Variants in RNF130 observed in about 807,000 individuals in gnomAD.
RNF130 encodes E3 ubiquitin-protein ligase RNF130.
Under a neutral mutation model 44.6 loss-of-function variants are expected in RNF130, and 21 were observed. The observed-to-expected ratio is 0.47, with a 90% CI of 0.33 to 0.68. The LOEUF is 0.68. Among genes scored for constraint, RNF130 ranks in the 30% least tolerant of loss-of-function variants. The pLI is 0.02. For synonymous variants in RNF130, 214 were observed against 210.4 expected, an observed-to-expected ratio of 1.02 and a Z score of -0.15; for missense variants, 479 against 560.6, an observed-to-expected ratio of 0.85 and a Z score of 1.47.
At chr5:179,970,054 G>T (rs1164504190) in intron 6 of RNF130, among the ~76,000 whole-genome samples, 1 of 152,110 alleles carries the variant, frequency 6.6e-6, no homozygotes, top group Non-Finnish European at 1.5e-5. Flanking sequence ...TACTCAGAAG[G>T]CGAGGTGGGA....
chr5:179,975,250 C>CA (rs1413377896), intron 5 of RNF130, among the ~76,000 whole-genome samples: 2 of 152,370 alleles, frequency 1.3e-5, no homozygotes, highest in East Asian at 3.9e-4. Context: ...CGCGAAGGCG[C>CA]AGCTGCGAGT....
chr5:179,936,084 T>C (rs1184788956), intron 7 of RNF130, among the ~76,000 whole-genome samples: 3 of 152,212 alleles, frequency 2.0e-5, no homozygotes, highest in Admixed American at 1.3e-4. Flanking sequence ...AAACTAGCTC[T>C]TAGTATTTCT....
intron 7 of RNF130, among the ~76,000 whole-genome samples, chr5:179,933,398 T>TGTGTGTGTGTGTG (rs1761838867): frequency 4.2e-5 from 6 of 143,400 alleles, no homozygotes; most frequent in African/African-American, 1.0e-4. Flanking sequence ...ATAACCCTAT[T>TGTGTGTGTGTGTG]TGTGTGTGTG....
chr5:180,058,795 C>T (rs968746646), intron 1 of RNF130, among the ~76,000 whole-genome samples: 4 of 152,106 alleles, frequency 2.6e-5, no homozygotes, highest in Admixed American at 1.3e-4. Flanking sequence ...CTCGTGACCT[C>T]AAGTGATCTG....
intron 3 of RNF130, among the ~76,000 whole-genome samples, chr5:180,000,254 T>C (rs918290928): frequency 2.0e-5 from 3 of 152,220 alleles, no homozygotes; most frequent in African/African-American, 7.2e-5. Flanking sequence ...GCTGTAAGAT[T>C]TCTCTGGAAA....
intron 5 of RNF130, among the ~76,000 whole-genome samples, chr5:179,972,417 C>T (rs1762605525): frequency 6.6e-6 from 1 of 152,184 alleles, no homozygotes; most frequent in Non-Finnish European, 1.5e-5. Context: ...GTCAGGCCTA[C>T]ACAGGGTGGA....
At chr5:179,924,027 T>C (rs1351207174) in intron 7 of RNF130, among the ~76,000 whole-genome samples, 1 of 152,186 alleles carries the variant, frequency 6.6e-6, no homozygotes, top group African/African-American at 2.4e-5. Flanking sequence ...AACTTTTCTA[T>C]ATTAAAAGTC....
intron 3 of RNF130, among the ~76,000 whole-genome samples, chr5:180,003,161 G>A (rs1334106067): frequency 1.1e-4 from 16 of 152,114 alleles, no homozygotes; most frequent in Non-Finnish European, 5.9e-5. Context: ...AGAGCGCAAA[G>A]TCAAGAAAGA....
exon 8 of RNF130, chr5:179,917,688 T>C (rs1474458046): frequency 6.6e-6 from 1 of 152,106 alleles, no homozygotes; most frequent in Non-Finnish European, 1.5e-5. Flanking sequence ...AAAGAGGCTG[T>C]TATTTGGGAT....
rs114791843 is a variant in RNF130, at chr5:179,946,877, T to C, written c.1150+19929A>G. Among the ~76,000 whole-genome samples the C allele has an allele frequency of 6.9e-3, 1,048 of 152,298 alleles. 18 individuals carry two copies. The highest frequency in any genetic ancestry group is 0.024 in the African/African-American group (1,016 of 41,560). On this transcript the variant is annotated intron_variant, in intron 7 of 7. Coordinates refer to the RNF130 transcript ENST00000522208. ...CACCATAGGGGATCTTTTCATCAGCTGGGTTTGCCTTTATCTTTCTTTAGC... is the reference window on the plus strand; with the variant it reads ...CACCATAGGGGATCTTTTCATCAGCCGGGTTTGCCTTTATCTTTCTTTAGC...
chr5:180,022,056 G>A (rs1763886722), intron 2 of RNF130, among the ~76,000 whole-genome samples: 1 of 152,206 alleles, frequency 6.6e-6, no homozygotes, highest in Non-Finnish European at 1.5e-5. Flanking sequence ...TTCAGGTCAG[G>A]TGCCGCTGGC....
chr5:180,028,075 C>T (rs1764032072), intron 2 of RNF130, among the ~76,000 whole-genome samples: 1 of 152,198 alleles, frequency 6.6e-6, no homozygotes, highest in Non-Finnish European at 1.5e-5. Flanking sequence ...CTGTTTTTTT[C>T]CTGTACTTAA....
intron 7 of RNF130, among the ~76,000 whole-genome samples, chr5:179,937,510 A>G (rs1344130738): frequency 6.6e-6 from 1 of 152,216 alleles, no homozygotes; most frequent in Non-Finnish European, 1.5e-5. Flanking sequence ...TGCCATTCAC[A>G]CTCATTAGAA....
At chr5:180,057,007 G>A (rs1375382152) in intron 1 of RNF130, among the ~76,000 whole-genome samples, 3 of 152,192 alleles carry the variant, frequency 2.0e-5, no homozygotes, top group South Asian at 2.1e-4. Flanking sequence ...TTCCTAACAC[G>A]TTAGTAATTT....
intron 2 of RNF130, among the ~76,000 whole-genome samples, chr5:180,024,700 G>C (rs569727061): frequency 6.6e-6 from 1 of 152,306 alleles, no homozygotes; most frequent in Non-Finnish European, 1.5e-5. Flanking sequence ...ACACCAAACG[G>C]AAACTTGGAA....
chr5:180,013,264 C>A lies in RNF130; in HGVS notation c.490G>T (p.Asp164Tyr). The A allele has an allele frequency of 6.2e-7, 1 of 1,613,904 alleles. No homozygotes were observed. The highest frequency in any genetic ancestry group is 2.2e-5 in the East Asian group (1 of 44,882). The change falls in exon 3 of 9, where the codon GAT (aspartate) becomes TAT (tyrosine). Residue 164 changes from aspartate (D) to tyrosine (Y), a missense_variant. Transcript: ENST00000521389. ...AVMITELRGK[D>Y]ILSYLEKNIS... Reference sequence around the variant, plus strand: ...TTTTTCTCCAGATAACTCAAAATATCCTTACCCCTCAATTCTGTTATCATG... The same window carrying A: ...TTTTTCTCCAGATAACTCAAAATATACTTACCCCTCAATTCTGTTATCATG...
In RNF130 at chr5:180,013,329, T is replaced by C. The variant is rs1262281504; in HGVS notation, c.443-18A>G. ...TCCAGTGCCTGCAATATAAAATAAA[T>C]ATATAACTCAAGTGACATTTAAAAC... On this transcript the variant is annotated intron_variant, in intron 2 of 8. Coordinates refer to ENST00000521389, the MANE Select transcript of RNF130 (RefSeq NM_018434.6). 1 of 1,581,762 alleles carries C rather than the reference T, an allele frequency of 6.3e-7. No individual in the cohort carries two copies. Among genetic ancestry groups the C allele is most frequent in the East Asian group, 2.2e-5 (1 of 44,568 alleles).
At chr5:180,056,554 C>T (rs1466574224) in intron 1 of RNF130, among the ~76,000 whole-genome samples, 4 of 152,034 alleles carry the variant, frequency 2.6e-5, no homozygotes, top group Non-Finnish European at 4.4e-5. Flanking sequence ...GTGGTGTTAC[C>T]GACAGACAGC....
At chr5:180,015,243 C>A in intron 2 of RNF130, 1 of 456,944 alleles carries the variant, frequency 2.2e-6, no homozygotes, top group South Asian at 1.7e-5. Context: ...TGCTAAACCG[C>A]TTTAAATTTC....
Sources: gnomAD v4.1 joint callset for allele counts (sites outside exome capture counted in the v4.1 genomes callset) on GRCh38, gnomAD v4.1.1 for gene constraint, MANE v1.5 for transcripts, NCBI Gene and HGNC (gene_info 2026-07-23, HGNC 2026-07-21) for gene names.